The following PCDHGA10 variants were observed in gnomAD, a reference collection of about 807,000 sequenced individuals.
PCDHGA10 encodes protocadherin gamma-A10.
Under a neutral mutation model 59.5 loss-of-function variants are expected in PCDHGA10, and 42 were observed. The observed-to-expected ratio is 0.71, with a 90% CI of 0.55 to 0.91. The LOEUF (loss-of-function observed/expected upper bound fraction) is 0.91, where lower values mean the gene tolerates loss of function less well. PCDHGA10 is among the 40% of genes least tolerant of loss of function. PCDHGA10 has a pLI of 0.00. For missense variants in PCDHGA10, 1,111 were observed against 1,198.2 expected (o/e 0.93, Z 1.07); for synonymous variants, 511 against 517.2 (o/e 0.99, Z 0.16).
At position 141,490,545 on chromosome 5, in the gene PCDHGA10, C is replaced by T; in HGVS notation, c.2437-4262C>T. 3 of 1,614,164 alleles carry T rather than the reference C, an allele frequency of 1.9e-6. No homozygotes were observed. The highest frequency in any genetic ancestry group is 2.5e-6 in the Non-Finnish European group (3 of 1,180,018). ...GCGATGCTGGTTCACCTTCCCTACA[C>T]AAACATCTCACCATCAGGCTCAACA... On this transcript the variant is annotated intron_variant, in intron 1 of 3. Coordinates refer to ENST00000398610, the MANE Select transcript of PCDHGA10 (RefSeq NM_018913.3). The surrounding 1 kb of genome is among the most constrained non-coding windows in gnomAD (Gnocchi z 5.4).
intron 3 of PCDHGA10, 46 bp downstream of exon 3, chr5:141,505,527 T>C: frequency 6.2e-7 from 1 of 1,612,388 alleles, no homozygotes; most frequent in Non-Finnish European, 8.5e-7. Context: ...GACCTGGGGT[T>C]CTGGGGTGCA....
In PCDHGA10 at chr5:141,477,794, C is replaced by A. The variant is rs148942362; in HGVS notation, c.2437-17013C>A. On this transcript the variant is annotated intron_variant, in intron 1 of 3. Coordinates refer to ENST00000398610, the MANE Select transcript of PCDHGA10 (RefSeq NM_018913.3). This position sits in a 1 kb window ranked among gnomAD's most constrained non-coding sequence, Gnocchi z 4.9. ...CAGCGTGAACATATTTGTCACTGAT[C>A]GCAATGACAATGCCCCCCAGGTCCT... The A allele has an allele frequency of 5.6e-6, 9 of 1,614,086 alleles. No individual in the cohort carries two copies. Among genetic ancestry groups the A allele is most frequent in the Non-Finnish European group, 7.6e-6 (9 of 1,180,030 alleles).
Position 141,431,954 on chromosome 5 carries a change from G to T in PCDHGA10, c.2436+16343G>T. On this transcript the variant is annotated intron_variant, in intron 1 of 3. Coordinates refer to ENST00000398610, the MANE Select transcript of PCDHGA10 (RefSeq NM_018913.3). The surrounding 1 kb of genome is among the most constrained non-coding windows in gnomAD (Gnocchi z 4.8). Reference sequence around the variant, plus strand: ...GCCCTTTAAATTAGAAAAATCTTACGGAAATTACTATAGTTTAGTCACAGA... The same window carrying T: ...GCCCTTTAAATTAGAAAAATCTTACTGAAATTACTATAGTTTAGTCACAGA... The T allele has an allele frequency of 6.2e-7, 1 of 1,614,110 alleles. No homozygotes were observed. Among genetic ancestry groups the T allele is most frequent in the Non-Finnish European group, 8.5e-7 (1 of 1,180,010 alleles).
At chr5:141,436,738 G>T (rs1207400781) in intron 1 of PCDHGA10, among the ~76,000 whole-genome samples, 2 of 152,306 alleles carry the variant, frequency 1.3e-5, no homozygotes, top group South Asian at 2.1e-4. Context: ...AATGATTTTT[G>T]TGTGCTTCTC....
At position 141,426,367 on chromosome 5, in the gene PCDHGA10, G is replaced by A. The variant is rs557191606; in HGVS notation, c.2436+10756G>A. The A allele has an allele frequency of 8.2e-4, 168 of 204,486 alleles. 3 individuals are homozygous for A. The South Asian group carries it at 0.014, about 17-fold the overall frequency. 12.7% of individuals were successfully genotyped at this position (204,486 alleles called of 1,614,324 possible). ...TTTCCTGCTGCCTTTGTTCTGCGGG[G>A]CACCCTCGGAGCAGATCCGCTACTC... is the stretch of plus-strand genomic sequence containing the variant. On this transcript the variant is annotated intron_variant, in intron 1 of 3. Transcript: ENST00000398610.
At chr5:141,448,215 C>T (rs927573458) in intron 1 of PCDHGA10, among the ~76,000 whole-genome samples, 5 of 152,046 alleles carry the variant, frequency 3.3e-5, no homozygotes, top group African/African-American at 9.7e-5. Flanking sequence ...TGTGTGTATG[C>T]GAATGTATGT....
In PCDHGA10 at chr5:141,432,518, C is replaced by T. The variant is rs1314948517; in HGVS notation, c.2436+16907C>T. 6.2e-7 allele frequency: 1 copy of T among 1,614,126 alleles called. No homozygotes were observed. The highest frequency in any genetic ancestry group is 8.5e-7 in the Non-Finnish European group (1 of 1,180,024). On this transcript the variant is annotated intron_variant, in intron 1 of 3. Coordinates refer to ENST00000398610, the MANE Select transcript of PCDHGA10 (RefSeq NM_018913.3). This position sits in a 1 kb window ranked among gnomAD's most constrained non-coding sequence, Gnocchi z 6.0. The stretch of plus-strand genomic sequence containing the variant: ...TCCCCGCTCCGCAGAGCCCGGCTAC[C>T]TGGTGACCAAGGTGGTGGCGGTGGA...
chr5:141,496,621 C>A (rs1297797187), intron 2 of PCDHGA10, among the ~76,000 whole-genome samples: 1 of 152,214 alleles, frequency 6.6e-6, no homozygotes. Context: ...AGCAGCAGAT[C>A]AAAAGGCTTG....
intron 2 of PCDHGA10, among the ~76,000 whole-genome samples, chr5:141,498,371 C>T (rs188547878): frequency 6.6e-6 from 1 of 151,838 alleles, no homozygotes; most frequent in Admixed American, 6.6e-5. Flanking sequence ...TGTGGTGAGG[C>T]CTCCTGGGAT....
At position 141,487,886 on chromosome 5, in the gene PCDHGA10, G is replaced by A. The variant is rs1208779156; in HGVS notation, c.2437-6921G>A. On this transcript the variant is annotated intron_variant, in intron 1 of 3. Transcript: ENST00000398610. This position sits in a 1 kb window ranked among gnomAD's most constrained non-coding sequence, Gnocchi z 5.0. ...GATCAAGAGCCAGGCTGTTGTGGAA[G>A]CATGATGATGGAATGTGGGAGCACA... is the stretch of plus-strand genomic sequence containing the variant. 1.3e-6 allele frequency: 1 copy of A among 751,316 alleles called. No individual in the cohort carries two copies. The highest frequency in any genetic ancestry group is 2.1e-6 in the Non-Finnish European group (1 of 467,526). The allele number at this position is 751,316 out of a possible 1,614,324, so 46.5% of individuals were successfully genotyped here.
rs73280920 is a variant in PCDHGA10 at position 141,453,809 on chromosome 5, A to G, written c.2436+38198A>G. Among the ~76,000 whole-genome samples, 1,254 of 152,338 alleles carry G rather than the reference A, an allele frequency of 8.2e-3. 17 individuals carry two copies. Among genetic ancestry groups the G allele is most frequent in the African/African-American group, 0.029 (1,191 of 41,572 alleles). On this transcript the variant is annotated intron_variant, in intron 1 of 3. Coordinates refer to ENST00000398610, the MANE Select transcript of PCDHGA10 (RefSeq NM_018913.3). ...GTATATTAACTTTGAGTAGTTCCATAAAGGACAAACTTGGCTGCTAGCCCT... is the reference window on the plus strand; with the variant it reads ...GTATATTAACTTTGAGTAGTTCCATGAAGGACAAACTTGGCTGCTAGCCCT...
intron 1 of PCDHGA10, chr5:141,492,023 C>T: frequency 1.8e-6 from 1 of 564,804 alleles, no homozygotes; most frequent in Non-Finnish European, 3.0e-6. Context: ...TCGGGGGTCC[C>T]GGGAGGAGGC....
intron 3 of PCDHGA10, among the ~76,000 whole-genome samples, chr5:141,506,861 G>A (rs2099856791): frequency 6.6e-6 from 1 of 152,178 alleles, no homozygotes; most frequent in African/African-American, 2.4e-5. Context: ...TGGAGGACTG[G>A]TGGGTAGAGA....
chr5:141,415,837 A>G (rs1232795581), intron 1 of PCDHGA10: 1 of 1,272,340 alleles, frequency 7.9e-7, no homozygotes, highest in Admixed American at 4.0e-5. Flanking sequence ...TGTTATGATT[A>G]GCTTTGCAGA....
intron 2 of PCDHGA10, among the ~76,000 whole-genome samples, chr5:141,500,020 T>A (rs905529317): frequency 6.6e-6 from 1 of 151,918 alleles, no homozygotes; most frequent in Non-Finnish European, 1.5e-5. Flanking sequence ...ACATTTTATA[T>A]TTGAGTGAGT....
chr5:141,502,173 T>C (rs1377892969), intron 2 of PCDHGA10, among the ~76,000 whole-genome samples: 2 of 152,178 alleles, frequency 1.3e-5, no homozygotes, highest in African/African-American at 4.8e-5. Flanking sequence ...AGTTGAGGAA[T>C]TTAACATTAA....
rs780788394 is a variant in PCDHGA10 at position 141,491,675 on chromosome 5, C to T, written c.2437-3132C>T. ...GAGCCTGACGCCATCCGGTCCCGCT[C>T]TAATACGCTGCGGGAGCGGAGCCAG... On this transcript the variant is annotated intron_variant, in intron 1 of 3. Transcript: ENST00000398610. The surrounding 1 kb of genome is among the most constrained non-coding windows in gnomAD (Gnocchi z 6.9). 6 of 1,613,450 alleles carry T rather than the reference C, an allele frequency of 3.7e-6. No homozygotes were observed. The African/African-American group carries it at 8.0e-5, about 22-fold the overall frequency.
Position 141,485,411 on chromosome 5 carries a change from G to C in PCDHGA10, c.2437-9396G>C, listed in dbSNP as rs1412397411. On this transcript the variant is annotated intron_variant, in intron 1 of 3. Coordinates refer to ENST00000398610, the MANE Select transcript of PCDHGA10 (RefSeq NM_018913.3). This position sits in a 1 kb window ranked among gnomAD's most constrained non-coding sequence, Gnocchi z 5.7. The stretch of plus-strand genomic sequence containing the variant: ...CCAAAGACACTTCCGTGTGGATTTG[G>C]ACAGCGGAGCCCTGCTCATCAAGAA... The C allele has an allele frequency of 2.5e-6, 4 of 1,614,054 alleles. No homozygotes were observed. Among genetic ancestry groups the C allele is most frequent in the Non-Finnish European group, 3.4e-6 (4 of 1,180,044 alleles).
At chr5:141,456,204 C>A (rs867187371) in intron 1 of PCDHGA10, among the ~76,000 whole-genome samples, 17 of 152,222 alleles carry the variant, frequency 1.1e-4, no homozygotes, top group South Asian at 2.1e-4. Context: ...CTACCACATT[C>A]CTCCCTGTGG....
Sources: allele counts gnomAD v4.1 joint callset (sites outside exome capture counted in the v4.1 genomes callset), GRCh38; gene constraint gnomAD v4.1.1; non-coding constraint Gnocchi (gnomAD v3.1); transcripts MANE v1.5; gene names NCBI Gene and HGNC (gene_info 2026-07-23, HGNC 2026-07-21).